Variants in SYNCRIP observed in about 807,000 individuals in gnomAD.
SYNCRIP encodes the protein synaptotagmin binding cytoplasmic RNA interacting protein, also known as heterogeneous nuclear ribonucleoprotein Q.
Under a neutral mutation model 68.9 loss-of-function variants are expected in SYNCRIP, and 9 were observed. That is an observed-to-expected ratio of 0.13 (90% CI 0.08 to 0.23). SYNCRIP has a LOEUF of 0.23. Among genes scored for constraint, SYNCRIP ranks in the 10% least tolerant of loss-of-function variants. The probability of loss-of-function intolerance (pLI) is 1.00; values close to 1 mark genes in which losing one functional copy is unlikely to be tolerated. For synonymous variants in SYNCRIP, 258 were observed against 254.0 expected (o/e 1.02, Z -0.15); for missense variants, 414 against 770.6 (o/e 0.54, Z 5.48).
At chr6:85,638,706 T>A (rs1302764139) in intron 4 of SYNCRIP, among the ~76,000 whole-genome samples, 1 of 152,232 alleles carries the variant, frequency 6.6e-6, no homozygotes, top group Non-Finnish European at 1.5e-5. Flanking sequence ...CTTGCTCACA[T>A]CTATAACATA....
At chr6:85,627,390 A>G (rs981690345) in intron 6 of SYNCRIP, among the ~76,000 whole-genome samples, 4 of 152,154 alleles carry the variant, frequency 2.6e-5, no homozygotes, top group Non-Finnish European at 4.4e-5. Flanking sequence ...GTACAACTAT[A>G]ACAAAAGTAG....
chr6:85,641,499 TACAAG>T, intron 1 of SYNCRIP, 48 bp from the exon 2 acceptor site: 1 of 1,560,478 alleles, frequency 6.4e-7, no homozygotes, highest in South Asian at 1.2e-5. Context: ...TCAAAAAGAA[TACAAG>T]ACAATATGAG....
intron 6 of SYNCRIP, among the ~76,000 whole-genome samples, chr6:85,636,462 A>G (rs1175411030): frequency 6.6e-6 from 1 of 152,112 alleles, no homozygotes; most frequent in Non-Finnish European, 1.5e-5. Context: ...AAAAGAAAAA[A>G]GAAAAATTTC....
At chr6:85,625,521 G>C (rs1348917424) in intron 6 of SYNCRIP, among the ~76,000 whole-genome samples, 2 of 151,998 alleles carry the variant, frequency 1.3e-5, no homozygotes, top group African/African-American at 2.4e-5. Flanking sequence ...CCGAGTAGCT[G>C]TGATTACAGG....
intron 6 of SYNCRIP, among the ~76,000 whole-genome samples, chr6:85,627,987 G>C (rs935053469): frequency 5.9e-5 from 9 of 152,140 alleles, no homozygotes; most frequent in Admixed American, 2.0e-4. Context: ...ATCTGATCCA[G>C]AAGAGGCTGC....
chr6:85,637,169 C>T (rs1808554713), intron 5 of SYNCRIP, 26 bp from the exon 6 acceptor site: 1 of 1,607,134 alleles, frequency 6.2e-7, no homozygotes, highest in East Asian at 2.2e-5. Flanking sequence ...TAAGTAAAAA[C>T]CATGGAGAAT....
In SYNCRIP at chr6:85,615,314, A is replaced by G; in HGVS notation, c.1314T>C (p.His438=). The G allele has an allele frequency of 6.4e-7, 1 of 1,557,258 alleles. No homozygotes were observed. The highest frequency in any genetic ancestry group is 8.7e-7 in the Non-Finnish European group (1 of 1,147,310). ...CTCGACCTCTTGTTGGAGGGGGCAT[A>G]TGAGGTGGACCATAATAGTAGTAAT... ...YDDYYYYGPP[H]MPPPTRGRGR... Residue 438 remains histidine (H), a synonymous_variant, in exon 11 of 11, where the codon CAT becomes CAC. Coordinates refer to ENST00000369622, the MANE Select transcript of SYNCRIP (RefSeq NM_006372.5).
At chr6:85,609,016 T>C (rs1210743655), downstream of SYNCRIP, 2 of 151,986 alleles carry the variant, frequency 1.3e-5, no homozygotes, top group African/African-American at 4.8e-5. Flanking sequence ...GAGTAATTAA[T>C]ACACCTTAAA....
Position 85,622,554 on chromosome 6 carries a change from C to A in SYNCRIP, c.936G>T (p.Lys312Asn). The change falls in exon 8 of 11, where the codon AAG (lysine) becomes AAT (asparagine). Residue 312 changes from lysine to asparagine, a missense_variant. Transcript: ENST00000369622. The stretch of plus-strand genomic sequence containing the variant: ...CAACAGTTCCAACATTCCCCCAGAC[C>A]TTGACTTTACCACTCATTAACCTAC... ...ARRRLMSGKV[K>N]VWGNVGTVEW... 2 of 1,614,180 alleles carry A rather than the reference C, an allele frequency of 1.2e-6. No individual in the cohort carries two copies. Among genetic ancestry groups the A allele is most frequent in the Non-Finnish European group, 8.5e-7 (1 of 1,180,038 alleles).
At chr6:85,635,545 A>C (rs1056222598) in intron 6 of SYNCRIP, among the ~76,000 whole-genome samples, 1 of 152,016 alleles carries the variant, frequency 6.6e-6, no homozygotes, top group Non-Finnish European at 1.5e-5. Flanking sequence ...TGAGGCAGGC[A>C]TATCTTCTGA....
In SYNCRIP at chr6:85,614,606, T is replaced by C. The variant is rs1805549348; in HGVS notation, c.*150A>G. 1.5e-6 allele frequency: 2 copies of C among 1,305,076 alleles called. No individual in the cohort carries two copies. The highest frequency in any genetic ancestry group is 3.8e-5 in the Admixed American group (1 of 26,636). The allele number at this position is 1,305,076 out of a possible 1,614,324, so 80.8% of individuals were successfully genotyped here. A position where few individuals can be genotyped will look rare whatever the true frequency, so the allele number is the denominator to read the frequency against. On this transcript the variant is annotated 3_prime_UTR_variant, in exon 11 of 11. Transcript: ENST00000369622. ...AGTTCGCCAGAAGCAGTTAGAAGTG[T>C]GGCTTTGTTCGTGTCCAAGCGGATT...
chr6:85,614,719 C>A lies in SYNCRIP; in HGVS notation c.*37G>T. The A allele has an allele frequency of 6.5e-7, 1 of 1,538,624 alleles. No homozygotes were observed. Among genetic ancestry groups the A allele is most frequent in the Admixed American group, 2.1e-5 (1 of 47,304 alleles). On this transcript the variant is annotated 3_prime_UTR_variant, in exon 11 of 11. Transcript: ENST00000369622. ...AGATTTAGGGTGAGTTTCTGATCAA[C>A]CTATCAGTCTCCAATTTTACAGAGG...
intron 10 of SYNCRIP, among the ~76,000 whole-genome samples, chr6:85,616,041 C>G (rs1805728027): frequency 6.6e-6 from 1 of 152,176 alleles, no homozygotes; most frequent in Non-Finnish European, 1.5e-5. Flanking sequence ...CAAAAATAAA[C>G]TACACCGTAA....
At chr6:85,612,930 A>G (rs1805356040), downstream of SYNCRIP, 4 of 1,550,724 alleles carry the variant, frequency 2.6e-6, no homozygotes, top group Non-Finnish European at 3.5e-6. Flanking sequence ...CCTGCTAGCC[A>G]GGTAACAAAA....
At position 85,637,341 on chromosome 6, in the gene SYNCRIP, T is replaced by C. The variant is rs368045341; in HGVS notation, c.391A>G (p.Thr131Ala). ...GTGGTCACATCAAGTGTGTAGCCTG[T>C]TCTTTCCAAGAGTGCCTTGAAAAGT... ...EAKIKALLER[T>A]GYTLDVTTGQ... Residue 131 changes from threonine to alanine, a missense_variant, in exon 5 of 11, where the codon ACA becomes GCA. By Grantham distance (58) the Thr-to-Ala change is moderately conservative. Transcript: ENST00000369622. 1 of 1,611,764 alleles carries C rather than the reference T, an allele frequency of 6.2e-7. No individual in the cohort carries two copies. The highest frequency in any genetic ancestry group is 1.3e-5 in the African/African-American group (1 of 74,846).
At chr6:85,643,396 C>A, upstream of SYNCRIP, 1 of 152,810 alleles carries the variant, frequency 6.5e-6, no homozygotes, top group Non-Finnish European at 1.5e-5. Flanking sequence ...GCCGCCTTCC[C>A]CGCTCCTCAC....
chr6:85,625,895 T>C (rs986449750), intron 6 of SYNCRIP, among the ~76,000 whole-genome samples: 13 of 152,206 alleles, frequency 8.5e-5, no homozygotes, highest in African/African-American at 2.4e-4. Flanking sequence ...CAGAAGTCAT[T>C]TGACATTCTT....
chr6:85,630,290 G>A (rs1807588097), intron 6 of SYNCRIP, among the ~76,000 whole-genome samples: 2 of 152,178 alleles, frequency 1.3e-5, no homozygotes, highest in South Asian at 4.1e-4. Context: ...GAACCCAGGA[G>A]GTGGAGCTTG....
chr6:85,630,878 C>T (rs1287602234), intron 6 of SYNCRIP, among the ~76,000 whole-genome samples: 1 of 152,194 alleles, frequency 6.6e-6, no homozygotes, highest in East Asian at 1.9e-4. Flanking sequence ...AAAATAATTA[C>T]AAGCTCATCC....
Sources: allele counts gnomAD v4.1 joint callset (sites outside exome capture counted in the v4.1 genomes callset), GRCh38; gene constraint gnomAD v4.1.1; transcripts MANE v1.5; gene names NCBI Gene and HGNC (gene_info 2026-07-23, HGNC 2026-07-21).